The following ASIC2 variants were observed in gnomAD, a reference collection of about 807,000 sequenced individuals.
The protein encoded by ASIC2 is acid sensing ion channel subunit 2.
A neutral mutation model predicts 57.3 loss-of-function variants in ASIC2; 25 were observed. That is an observed-to-expected ratio of 0.44 (90% CI 0.32 to 0.61). The LOEUF is 0.61. Ranked by LOEUF, ASIC2 falls within the 20% of genes least tolerant of loss-of-function variation. ASIC2 has a pLI of 0.06. For synonymous variants in ASIC2, 319 were observed against 307.5 expected (o/e 1.04, Z -0.39); for missense variants, 641 against 738.1 (o/e 0.87, Z 1.52).
In ASIC2 at chr17:33,815,420, T is replaced by C. The variant is rs1437627737; in HGVS notation, c.555+340558A>G. 3.3e-5 allele frequency among the ~76,000 whole-genome samples: 5 copies of C among 152,334 alleles called. No individual in the cohort carries two copies. In the East Asian group the frequency reaches 9.7e-4, roughly 29 times the overall value. The stretch of plus-strand genomic sequence containing the variant: ...CACTGCTCATGAAAACCCTGGGCTG[T>C]GCCTCATTAGCCCAAACCCATTGTG... On this transcript the variant is annotated intron_variant, in intron 1 of 9. Transcript: ENST00000359872.
intron 1 of ASIC2, among the ~76,000 whole-genome samples, chr17:33,326,170 A>AT (rs1405762375): frequency 6.6e-6 from 1 of 152,198 alleles, no homozygotes; most frequent in Non-Finnish European, 1.5e-5. Context: ...CATTTACAGA[A>AT]TGATTTCAAA....
Position 33,392,527 on chromosome 17 carries a change from A to G in ASIC2, c.556-280460T>C, listed in dbSNP as rs532598119. On this transcript the variant is annotated intron_variant, in intron 1 of 9. Transcript: ENST00000359872. ...CAATCTGCCTGCTTTGGCTTCTCAA[A>G]GTGCTAGGATTAGGGGTGTGAGCCA... Among the ~76,000 whole-genome samples, 13 of 152,232 alleles carry G rather than the reference A, an allele frequency of 8.5e-5. No individual in the cohort carries two copies. In the South Asian group the frequency reaches 2.7e-3, roughly 32 times the overall value.
At chr17:34,084,976 G>A (rs1325241262) in intron 1 of ASIC2, among the ~76,000 whole-genome samples, 72 of 152,150 alleles carry the variant, frequency 4.7e-4, no homozygotes, top group South Asian at 6.2e-4. Flanking sequence ...CAATCATGTT[G>A]TCTGCAAATA....
At chr17:33,282,981 T>G (rs928864943) in intron 1 of ASIC2, among the ~76,000 whole-genome samples, 2 of 152,226 alleles carry the variant, frequency 1.3e-5, no homozygotes, top group Admixed American at 1.3e-4. Flanking sequence ...ATTCTAGGGA[T>G]GAGGTCATGG....
At chr17:33,126,683 G>A (rs1342515054) in intron 1 of ASIC2, among the ~76,000 whole-genome samples, 1 of 151,984 alleles carries the variant, frequency 6.6e-6, no homozygotes, top group Non-Finnish European at 1.5e-5. Context: ...CTACTTAGGA[G>A]GCTGAGGCAG....
chr17:33,989,775 G>T (rs1905945462), intron 1 of ASIC2, among the ~76,000 whole-genome samples: 1 of 152,118 alleles, frequency 6.6e-6, no homozygotes. Flanking sequence ...CTTTGATCAA[G>T]AAAATGAAAC....
chr17:33,643,430 C>T (rs1371086811), intron 1 of ASIC2, among the ~76,000 whole-genome samples: 1 of 152,224 alleles, frequency 6.6e-6, no homozygotes, highest in African/African-American at 2.4e-5. Context: ...AGTCAACTTG[C>T]ACCACCCTTT....
At chr17:34,008,920 A>G (rs1452904605) in intron 1 of ASIC2, among the ~76,000 whole-genome samples, 1 of 152,236 alleles carries the variant, frequency 6.6e-6, no homozygotes, top group Non-Finnish European at 1.5e-5. Flanking sequence ...CAACAAGGAC[A>G]TTTGGGCATG....
At chr17:33,496,603 GTTTTTTTTTTTTT>G (rs61267122) in intron 1 of ASIC2, among the ~76,000 whole-genome samples, 1,915 of 71,064 alleles carry the variant, frequency 0.027, 89 homozygotes, top group African/African-American at 0.11. Context: ...GTTATTGTAG[GTTTTTTTTTTTTT>G]TTTTTTTTTT....
At chr17:33,861,406 C>T (rs1914098338) in intron 1 of ASIC2, among the ~76,000 whole-genome samples, 1 of 152,128 alleles carries the variant, frequency 6.6e-6, no homozygotes, top group African/African-American at 2.4e-5. Flanking sequence ...AAATACATTC[C>T]TTAATTTTGA....
intron 1 of ASIC2, among the ~76,000 whole-genome samples, chr17:33,732,881 G>A (rs1054387337): frequency 3.3e-5 from 5 of 152,176 alleles, no homozygotes; most frequent in East Asian, 1.9e-4. Context: ...CAAGTGATCC[G>A]CCCACCTTGG....
intron 1 of ASIC2, chr17:34,039,340 G>A (rs1908010839): frequency 6.2e-7 from 1 of 1,613,990 alleles, no homozygotes; most frequent in South Asian, 1.1e-5. Flanking sequence ...GTTTTGCTGA[G>A]CTGAAACAAA....
At chr17:33,258,169 A>G (rs1456181369) in intron 1 of ASIC2, among the ~76,000 whole-genome samples, 1 of 152,230 alleles carries the variant, frequency 6.6e-6, no homozygotes, top group Non-Finnish European at 1.5e-5. Flanking sequence ...TCATTACGTG[A>G]ATTCATTAAT....
chr17:33,152,326 A>G (rs1904834869), intron 1 of ASIC2, among the ~76,000 whole-genome samples: 1 of 152,214 alleles, frequency 6.6e-6, no homozygotes, highest in Non-Finnish European at 1.5e-5. Flanking sequence ...AGATGCCTTC[A>G]CAAAGATGCC....
At chr17:33,757,577 G>A (rs2932926) in intron 1 of ASIC2, among the ~76,000 whole-genome samples, 1 of 152,034 alleles carries the variant, frequency 6.6e-6, no homozygotes, top group Non-Finnish European at 1.5e-5. Context: ...AACAGGAGGT[G>A]GGGGCACATA....
intron 1 of ASIC2, among the ~76,000 whole-genome samples, chr17:33,751,443 A>T (rs1007409025): frequency 6.6e-6 from 1 of 152,204 alleles, no homozygotes; most frequent in Non-Finnish European, 1.5e-5. Flanking sequence ...TAAGATATAG[A>T]AAGGTCTTTG....
intron 1 of ASIC2, among the ~76,000 whole-genome samples, chr17:33,412,057 C>T (rs1289418522): frequency 6.8e-6 from 1 of 146,236 alleles, no homozygotes; most frequent in African/African-American, 2.5e-5. Context: ...CAACCAAAAA[C>T]ACACAAAAAA....
At chr17:33,273,494 T>G (rs1904587063) in intron 1 of ASIC2, among the ~76,000 whole-genome samples, 2 of 152,142 alleles carry the variant, frequency 1.3e-5, no homozygotes, top group South Asian at 4.1e-4. Context: ...GGGGCTTGTT[T>G]ATTGTCCCTC....
intron 1 of ASIC2, among the ~76,000 whole-genome samples, chr17:33,280,214 C>T (rs949368246): frequency 2.6e-5 from 4 of 152,064 alleles, no homozygotes; most frequent in Non-Finnish European, 5.9e-5. Flanking sequence ...CACTCATCCC[C>T]GGCCGGAATT....
Sources: allele counts gnomAD v4.1 joint callset (sites outside exome capture counted in the v4.1 genomes callset), GRCh38; gene constraint gnomAD v4.1.1; transcripts MANE v1.5; gene names NCBI Gene and HGNC (gene_info 2026-07-23, HGNC 2026-07-21).